Variants in SOX5 observed in about 807,000 individuals in gnomAD.
The protein encoded by SOX5 is SRY-box transcription factor 5.
Under a neutral mutation model 92.0 loss-of-function variants are expected in SOX5, and 9 were observed. The ratio of observed to expected loss-of-function variants is 0.10; its 90% CI spans 0.06 to 0.17. The LOEUF (loss-of-function observed/expected upper bound fraction) is 0.17, where lower values mean the gene tolerates loss of function less well. Among genes scored for constraint, SOX5 ranks in the 10% least tolerant of loss-of-function variants. SOX5 has a pLI of 1.00. For missense variants in SOX5, 642 were observed against 944.5 expected (o/e 0.68, Z 4.20); for synonymous variants, 344 against 336.3 (o/e 1.02, Z -0.25).
chr12:23,606,880 A>C (rs1406413323), intron 8 of SOX5, among the ~76,000 whole-genome samples: 1 of 152,112 alleles, frequency 6.6e-6, no homozygotes, highest in Non-Finnish European at 1.5e-5. Context: ...ACATTTGTAA[A>C]AGAGATAGAC....
chr12:24,312,754 C>A (rs1044831787), intron 2 of SOX5, among the ~76,000 whole-genome samples: 10 of 152,078 alleles, frequency 6.6e-5, no homozygotes, highest in Admixed American at 3.3e-4. Flanking sequence ...GCTTTTAAAA[C>A]TATTATCAAA....
At chr12:23,578,117 C>CAAAAAAAAAA (rs1163938652) in intron 9 of SOX5, among the ~76,000 whole-genome samples, 392 of 34,886 alleles carry the variant, frequency 0.011, 85 homozygotes, top group Non-Finnish European at 0.014. Flanking sequence ...GAGACTGTGT[C>CAAAAAAAAAA]AAAAAAAAAA....
chr12:23,680,919 T>C (rs535633759), intron 6 of SOX5, among the ~76,000 whole-genome samples: 1 of 152,038 alleles, frequency 6.6e-6, no homozygotes, highest in Non-Finnish European at 1.5e-5. Flanking sequence ...CCATAAAAAA[T>C]AGTCTATCAC....
chr12:24,500,744 T>C (rs1228177654), intron 1 of SOX5, among the ~76,000 whole-genome samples: 3 of 152,226 alleles, frequency 2.0e-5, no homozygotes, highest in Non-Finnish European at 2.9e-5. Flanking sequence ...GCTACCGCTG[T>C]TCCAACATGC....
chr12:24,054,628 C>T (rs1221833235), intron 4 of SOX5, among the ~76,000 whole-genome samples: 3 of 152,154 alleles, frequency 2.0e-5, no homozygotes, highest in Non-Finnish European at 4.4e-5. Flanking sequence ...TAACACACAC[C>T]CCTTCCAGGA....
intron 1 of SOX5, among the ~76,000 whole-genome samples, chr12:24,459,453 CTAAA>C (rs1943383416): frequency 6.6e-6 from 1 of 152,114 alleles, no homozygotes; most frequent in Non-Finnish European, 1.5e-5. Flanking sequence ...ATTTCTTGTG[CTAAA>C]TAATGTCCCC....
At chr12:24,241,952 A>T (rs1361206447) in intron 3 of SOX5, among the ~76,000 whole-genome samples, 5 of 152,160 alleles carry the variant, frequency 3.3e-5, no homozygotes, top group Admixed American at 1.3e-4. Context: ...CTTAGAAACT[A>T]AAAAAATAAA....
At chr12:23,871,979 A>G (rs2096877401) in intron 2 of SOX5, among the ~76,000 whole-genome samples, 1 of 150,750 alleles carries the variant, frequency 6.6e-6, no homozygotes. Context: ...CACAAGCATT[A>G]TATTACATTT....
intron 4 of SOX5, among the ~76,000 whole-genome samples, chr12:24,026,050 CTT>C (rs1375451999): frequency 6.6e-6 from 1 of 152,058 alleles, no homozygotes; most frequent in African/African-American, 2.4e-5. Flanking sequence ...AATGACCAGA[CTT>C]AACATAGCTC....
At chr12:23,859,136 G>T (rs919418719) in intron 2 of SOX5, among the ~76,000 whole-genome samples, 1 of 152,136 alleles carries the variant, frequency 6.6e-6, no homozygotes, top group Admixed American at 6.5e-5. Context: ...GAATAACAGC[G>T]ATTTTCAGGG....
rs533147525 is a variant in SOX5, at chr12:24,075,146, G to A, written c.-2+138197C>T. ...TAGCTGAGCGTGGTGGTGCTTGCTT[G>A]TAGTTCTAGATACTTGAGAGGATGA... On this transcript the variant is annotated intron_variant, in intron 4 of 4. Transcript: ENST00000446891. Among the ~76,000 whole-genome samples the A allele has an allele frequency of 8.9e-4, 135 of 151,736 alleles. 1 individual carries two copies. Among genetic ancestry groups the A allele is most frequent in the African/African-American group, 3.2e-3 (132 of 41,426 alleles).
chr12:24,114,894 C>A (rs1947816980), intron 4 of SOX5, among the ~76,000 whole-genome samples: 1 of 151,454 alleles, frequency 6.6e-6, no homozygotes, highest in Non-Finnish European at 1.5e-5. Flanking sequence ...TATGACTAGG[C>A]CACTGCATTC....
intron 2 of SOX5, among the ~76,000 whole-genome samples, chr12:23,862,544 C>T (rs570040918): frequency 2.2e-4 from 34 of 152,254 alleles, no homozygotes; most frequent in Non-Finnish European, 3.7e-4. Context: ...CTAATAAATC[C>T]ACTTATGTTA....
At chr12:24,426,205 A>G (rs952721868) in intron 1 of SOX5, among the ~76,000 whole-genome samples, 3 of 151,650 alleles carry the variant, frequency 2.0e-5, no homozygotes, top group Non-Finnish European at 4.4e-5. Context: ...TGTCTCAAAA[A>G]CAAACAAACA....
intron 9 of SOX5, among the ~76,000 whole-genome samples, chr12:23,583,096 C>G (rs910515967): frequency 1.3e-5 from 2 of 152,030 alleles, no homozygotes; most frequent in Admixed American, 1.3e-4. Context: ...TTCACATTCA[C>G]TTTTTAATTT....
intron 1 of SOX5, among the ~76,000 whole-genome samples, chr12:24,417,626 AT>A (rs1351923765): frequency 6.6e-6 from 1 of 152,236 alleles, no homozygotes; most frequent in Non-Finnish European, 1.5e-5. Context: ...AGAATATAAT[AT>A]TTAAATGTCA....
chr12:23,887,904 G>C (rs1397004021), intron 2 of SOX5, among the ~76,000 whole-genome samples: 2 of 113,034 alleles, frequency 1.8e-5, no homozygotes, highest in African/African-American at 3.1e-5. Context: ...ATGGTAATTG[G>C]TCCAGTGTGT....
intron 2 of SOX5, among the ~76,000 whole-genome samples, chr12:24,319,666 T>C (rs1013490879): frequency 1.3e-5 from 2 of 152,220 alleles, no homozygotes; most frequent in African/African-American, 2.4e-5. Flanking sequence ...GAGTGCTCTT[T>C]CTGAACTATA....
chr12:24,006,275 T>A (rs78067611), intron 4 of SOX5, among the ~76,000 whole-genome samples: 2,071 of 152,300 alleles, frequency 0.014, 52 homozygotes, highest in East Asian at 0.067. Context: ...TAATGTACTA[T>A]CTCATTAATG....
Sources: allele counts gnomAD v4.1 joint callset (sites outside exome capture counted in the v4.1 genomes callset), GRCh38; gene constraint gnomAD v4.1.1; transcripts MANE v1.5; gene names NCBI Gene and HGNC (gene_info 2026-07-23, HGNC 2026-07-21).